The following CAPRIN2 variants were observed in gnomAD, a reference collection of about 807,000 sequenced individuals.
CAPRIN2 encodes the protein caprin-2.
CAPRIN2 carries 66 observed loss-of-function variants against 130.4 expected under a neutral mutation model. The ratio of observed to expected loss-of-function variants is 0.51; its 90% CI spans 0.42 to 0.62. The LOEUF (loss-of-function observed/expected upper bound fraction) is 0.62, where lower values mean the gene tolerates loss of function less well. Ranked by LOEUF, CAPRIN2 falls within the 20% of genes least tolerant of loss-of-function variation. The pLI is 0.00. For synonymous variants in CAPRIN2, 471 were observed against 444.1 expected, an observed-to-expected ratio of 1.06 and a Z score of -0.76; for missense variants, 1,185 against 1,246.6, an observed-to-expected ratio of 0.95 and a Z score of 0.74.
At chr12:30,725,508 CAT>C (rs1037036055) in intron 9 of CAPRIN2, among the ~76,000 whole-genome samples, 17 of 152,206 alleles carry the variant, frequency 1.1e-4, no homozygotes, top group African/African-American at 3.9e-4. Flanking sequence ...ACAACTTAAA[CAT>C]ATTGTATAAC....
intron 2 of CAPRIN2, among the ~76,000 whole-genome samples, chr12:30,749,421 G>C (rs1565711457): frequency 6.6e-6 from 1 of 152,176 alleles, no homozygotes; most frequent in Non-Finnish European, 1.5e-5. Flanking sequence ...AACAGACTTG[G>C]AGAGGGCAGA....
intron 2 of CAPRIN2, among the ~76,000 whole-genome samples, chr12:30,748,685 T>C (rs1019564328): frequency 1.3e-5 from 2 of 152,212 alleles, no homozygotes; most frequent in African/African-American, 2.4e-5. Context: ...TTCTGACTTA[T>C]CTGCATTTTC....
At chr12:30,729,465 A>C in intron 7 of CAPRIN2, 140 bp from the exon 9 acceptor site, 1 of 569,326 alleles carries the variant, frequency 1.8e-6, no homozygotes, top group Non-Finnish European at 2.9e-6. Flanking sequence ...TCTACTTGAA[A>C]AGACTTTCCT....
intron 11 of CAPRIN2, among the ~76,000 whole-genome samples, chr12:30,721,584 G>A (rs926371235): frequency 3.3e-5 from 5 of 152,100 alleles, no homozygotes; most frequent in African/African-American, 7.2e-5. Context: ...GAATTCTATC[G>A]CACAACAGGT....
intron 1 of CAPRIN2, among the ~76,000 whole-genome samples, chr12:30,751,909 ATTTTTTTTTT>A (rs574883707): frequency 1.8e-3 from 158 of 87,856 alleles, no homozygotes; most frequent in Middle Eastern, 5.9e-3. Context: ...CCACTATGGT[ATTTTTTTTTT>A]TTTTTTTTTT....
intron 6 of CAPRIN2, among the ~76,000 whole-genome samples, chr12:30,731,074 T>C (rs1191723629): frequency 6.6e-6 from 1 of 152,214 alleles, no homozygotes; most frequent in Admixed American, 6.5e-5. Context: ...CAGAGAAGTT[T>C]ATTCAAATTC....
chr12:30,739,349 C>A (rs1007578644), intron 3 of CAPRIN2, among the ~76,000 whole-genome samples: 1 of 152,032 alleles, frequency 6.6e-6, no homozygotes, highest in African/African-American at 2.4e-5. Context: ...GGGGGCTAAA[C>A]AATGAGAACA....
rs117880663 is a variant in CAPRIN2, at chr12:30,712,277, G to A, written c.2602-648C>T. ...AATAAAAATTGAAACAGGACAAGAA[G>A]GTACACAATAAAAATAATAAAGCCT... On this transcript the variant is annotated intron_variant, in intron 15 of 16. Transcript: ENST00000298892. Among the ~76,000 whole-genome samples, 268 of 152,176 alleles carry A rather than the reference G, an allele frequency of 1.8e-3. 6 individuals are homozygous for A. The East Asian group carries it at 0.042, about 24-fold the overall frequency.
Position 30,739,149 on chromosome 12 carries a change from A to C in CAPRIN2, c.570+1871T>G, listed in dbSNP as rs571001814. Among the ~76,000 whole-genome samples, 6 of 152,374 alleles carry C rather than the reference A, an allele frequency of 3.9e-5. No individual in the cohort carries two copies. The East Asian group carries it at 1.2e-3, about 29-fold the overall frequency. On this transcript the variant is annotated intron_variant, in intron 3 of 16. Transcript: ENST00000298892. Reference sequence around the variant, plus strand: ...TTCACAAGAGGAAAGACATGGAATCAATCTAAATGCCCATCAATGATAGAC... The same window carrying C: ...TTCACAAGAGGAAAGACATGGAATCCATCTAAATGCCCATCAATGATAGAC...
upstream of CAPRIN2, chr12:30,754,928 G>GA (rs1244859522): frequency 6.6e-6 from 1 of 152,324 alleles, no homozygotes; most frequent in Non-Finnish European, 1.5e-5. Flanking sequence ...CAGAGACCCA[G>GA]CCGACTCAGC....
intron 10 of CAPRIN2, among the ~76,000 whole-genome samples, chr12:30,723,860 G>A (rs949850392): frequency 2.0e-5 from 3 of 152,142 alleles, no homozygotes; most frequent in Admixed American, 2.0e-4. Context: ...GGTATATACT[G>A]CTCACTAAAG....
exon 14 of CAPRIN2, chr12:30,715,039 T>C (rs534484327): frequency 1.7e-5 from 28 of 1,613,968 alleles, no homozygotes; most frequent in South Asian, 1.4e-4. Flanking sequence ...TCCCCGGCTA[T>C]TGACAAATGG....
intron 2 of CAPRIN2, among the ~76,000 whole-genome samples, chr12:30,747,532 C>T (rs1415233358): frequency 6.6e-6 from 1 of 152,070 alleles, no homozygotes; most frequent in Non-Finnish European, 1.5e-5. Flanking sequence ...ACAAAATTAG[C>T]CAGGCATGCT....
chr12:30,720,455 T>C (rs1300923857), intron 12 of CAPRIN2: 1 of 164,562 alleles, frequency 6.1e-6, no homozygotes, highest in Non-Finnish European at 1.3e-5. Context: ...CTAATATTAA[T>C]AAAATAAAGT....
chr12:30,717,826 T>C (rs1032716987), intron 12 of CAPRIN2, among the ~76,000 whole-genome samples: 1 of 152,184 alleles, frequency 6.6e-6, no homozygotes, highest in Non-Finnish European at 1.5e-5. Flanking sequence ...TCTAGCTCCC[T>C]GATTCTGCTC....
chr12:30,751,315 TAC>T (rs2073744320), intron 1 of CAPRIN2, 182 bp from the exon 3 acceptor site: 1 of 586,998 alleles, frequency 1.7e-6, no homozygotes, highest in Non-Finnish European at 3.1e-6. Context: ...GGAGAAAAAA[TAC>T]ACAGAATCAC....
At chr12:30,709,817 A>G in exon 17 of CAPRIN2, 3 of 1,452,492 alleles carry the variant, frequency 2.1e-6, no homozygotes, top group South Asian at 2.9e-5. Context: ...TTCCTAAACC[A>G]ATCAGTCATG....
chr12:30,709,717 A>G, exon 17 of CAPRIN2: 1 of 588,258 alleles, frequency 1.7e-6, no homozygotes, highest in Non-Finnish European at 2.9e-6. Flanking sequence ...AAAGTGCCAG[A>G]TTAGTGCTAA....
rs1261049340 is a variant in CAPRIN2 at position 30,715,449 on chromosome 12, G to GGTA, written c.2318-311_2318-309dup. The GGTA allele has an allele frequency of 6.3e-6, 3 of 475,324 alleles. No homozygotes were observed. The Admixed American group carries it at 7.0e-5, about 11-fold the overall frequency. 29.4% of individuals were successfully genotyped at this position (475,324 alleles called of 1,614,324 possible). ...CAAATATTGTATACCACTTATATGAGGTACCTAGAGCAGTCATTTTCAGAA... is the reference window on the plus strand; with the variant it reads ...CAAATATTGTATACCACTTATATGAGGTAGTACCTAGAGCAGTCATTTTCAGAA... On this transcript the variant is annotated intron_variant, in intron 13 of 16. Transcript: ENST00000298892.
Sources: allele counts gnomAD v4.1 joint callset (sites outside exome capture counted in the v4.1 genomes callset), GRCh38; gene constraint gnomAD v4.1.1; transcripts MANE v1.5; gene names NCBI Gene and HGNC (gene_info 2026-07-23, HGNC 2026-07-21).